The following PDE4D variants were observed in gnomAD, a reference collection of about 807,000 sequenced individuals.
The protein encoded by PDE4D is phosphodiesterase 4D.
Under a neutral mutation model 87.4 loss-of-function variants are expected in PDE4D, and 24 were observed. The observed-to-expected ratio is 0.27, with a 90% CI of 0.20 to 0.39. The LOEUF (loss-of-function observed/expected upper bound fraction) is 0.39. Among genes scored for constraint, PDE4D ranks in the 10% least tolerant of loss-of-function variants. PDE4D has a pLI of 1.00. For synonymous variants in PDE4D, 384 were observed against 383.2 expected, an observed-to-expected ratio of 1.00 and a Z score of -0.02; for missense variants, 714 against 1,041.0, an observed-to-expected ratio of 0.69 and a Z score of 4.32.
At chr5:60,238,603 T>A (rs1446193947) in intron 1 of PDE4D, among the ~76,000 whole-genome samples, 1 of 152,006 alleles carries the variant, frequency 6.6e-6, no homozygotes, top group East Asian at 1.9e-4. Context: ...ATTTACTTGA[T>A]TACTAGTGAG....
At chr5:59,016,354 T>G (rs1010400925) in intron 6 of PDE4D, among the ~76,000 whole-genome samples, 20 of 144,096 alleles carry the variant, frequency 1.4e-4, no homozygotes, top group African/African-American at 4.9e-4. Context: ...TATCACAGTT[T>G]TTTTTTTTTT....
intron 1 of PDE4D, among the ~76,000 whole-genome samples, chr5:59,807,068 C>G (rs187678276): frequency 9.8e-4 from 149 of 152,170 alleles, no homozygotes; most frequent in African/African-American, 3.3e-3. Flanking sequence ...TGATAATGAC[C>G]TAGTAGCAAC....
chr5:60,228,954 A>G (rs1745486280), intron 1 of PDE4D, among the ~76,000 whole-genome samples: 1 of 152,116 alleles, frequency 6.6e-6, no homozygotes, highest in African/African-American at 2.4e-5. Context: ...GAGAATGGCT[A>G]TGGTTTTAAG....
At chr5:59,277,355 A>G (rs1236646031) in intron 1 of PDE4D, among the ~76,000 whole-genome samples, 1 of 152,172 alleles carries the variant, frequency 6.6e-6, no homozygotes, top group Non-Finnish European at 1.5e-5. Flanking sequence ...TATGACTGCC[A>G]GGGGACATTC....
At chr5:60,352,506 G>A (rs1405658084) in intron 1 of PDE4D, among the ~76,000 whole-genome samples, 1 of 152,220 alleles carries the variant, frequency 6.6e-6, no homozygotes, top group East Asian at 1.9e-4. Flanking sequence ...TGGCTTACCT[G>A]GTGATAGGAC....
intron 1 of PDE4D, among the ~76,000 whole-genome samples, chr5:60,432,674 A>G (rs1000016887): frequency 6.6e-6 from 1 of 152,220 alleles, no homozygotes; most frequent in Non-Finnish European, 1.5e-5. Context: ...ACTTAACTTC[A>G]AACTATACTT....
chr5:60,183,477 C>T (rs1276562647), intron 2 of PDE4D, among the ~76,000 whole-genome samples: 2 of 152,158 alleles, frequency 1.3e-5, no homozygotes, highest in Non-Finnish European at 2.9e-5. Context: ...AAATGGTCTT[C>T]CAAGACACAC....
At chr5:59,494,539 T>C (rs1447796422) in intron 1 of PDE4D, among the ~76,000 whole-genome samples, 1 of 152,202 alleles carries the variant, frequency 6.6e-6, no homozygotes, top group Admixed American at 6.5e-5. Context: ...AAGTGAGACA[T>C]CAGGAGAAAG....
chr5:59,134,678 C>A (rs918933095), intron 5 of PDE4D, among the ~76,000 whole-genome samples: 1 of 152,166 alleles, frequency 6.6e-6, no homozygotes, highest in African/African-American at 2.4e-5. Flanking sequence ...AGTGCTTGCA[C>A]ATAATTATCC....
intron 3 of PDE4D, among the ~76,000 whole-genome samples, chr5:59,914,168 A>T (rs1050834650): frequency 6.6e-6 from 1 of 152,172 alleles, no homozygotes; most frequent in African/African-American, 2.4e-5. Context: ...TAGGTGCTAG[A>T]CTATGGCACA....
At chr5:59,216,020 A>G in intron 1 of PDE4D, 52 bp from the exon 2 acceptor site, 2 of 1,362,868 alleles carry the variant, frequency 1.5e-6, no homozygotes, top group South Asian at 2.6e-5. Flanking sequence ...ACATGTTCAT[A>G]TTTTCAAAAA....
intron 6 of PDE4D, among the ~76,000 whole-genome samples, chr5:59,010,728 C>T (rs1752617482): frequency 6.6e-6 from 1 of 152,088 alleles, no homozygotes; most frequent in Non-Finnish European, 1.5e-5. Context: ...GTCTACTGCT[C>T]CCAGCATGAG....
At chr5:59,697,700 A>G (rs1283833046) in intron 1 of PDE4D, among the ~76,000 whole-genome samples, 1 of 152,202 alleles carries the variant, frequency 6.6e-6, no homozygotes, top group Non-Finnish European at 1.5e-5. Flanking sequence ...CATATCAGTC[A>G]AGTGTCAGGC....
intron 5 of PDE4D, among the ~76,000 whole-genome samples, chr5:59,117,892 T>G (rs1302191003): frequency 6.6e-6 from 1 of 151,970 alleles, no homozygotes; most frequent in Non-Finnish European, 1.5e-5. Context: ...CACAATAGAT[T>G]GTCAAATTCT....
At chr5:60,393,749 A>G (rs559781842) in intron 1 of PDE4D, among the ~76,000 whole-genome samples, 6 of 152,202 alleles carry the variant, frequency 3.9e-5, no homozygotes, top group Non-Finnish European at 8.8e-5. Flanking sequence ...TTAGGTACCC[A>G]CTGAACACTG....
At chr5:59,371,016 T>C (rs1783843514) in intron 1 of PDE4D, among the ~76,000 whole-genome samples, 1 of 152,186 alleles carries the variant, frequency 6.6e-6, no homozygotes, top group Non-Finnish European at 1.5e-5. Context: ...CACAAATTCA[T>C]AAACTATCTT....
At chr5:59,374,009 C>T (rs73093002) in intron 1 of PDE4D, among the ~76,000 whole-genome samples, 1,677 of 152,232 alleles carry the variant, frequency 0.011, 36 homozygotes, top group African/African-American at 0.037. Flanking sequence ...ACATGCCTTA[C>T]AAGAACTCCT....
At chr5:60,241,586 G>GA (rs532762663) in intron 1 of PDE4D, among the ~76,000 whole-genome samples, 35 of 152,000 alleles carry the variant, frequency 2.3e-4, no homozygotes, top group African/African-American at 8.4e-4. Flanking sequence ...TCCAGCAGAA[G>GA]AAAAAATTAG....
At chr5:60,339,020 C>CT (rs1758068128) in intron 1 of PDE4D, among the ~76,000 whole-genome samples, 1 of 152,110 alleles carries the variant, frequency 6.6e-6, no homozygotes, top group African/African-American at 2.4e-5. Context: ...AATTCAATGC[C>CT]TTTTTTATCT....
Sources: allele counts gnomAD v4.1 joint callset (sites outside exome capture counted in the v4.1 genomes callset), GRCh38; gene constraint gnomAD v4.1.1; transcripts MANE v1.5; gene names NCBI Gene and HGNC (gene_info 2026-07-23, HGNC 2026-07-21).